GPATCH2: variants seen among roughly 807,000 people sequenced by gnomAD.
The protein encoded by GPATCH2 is G patch domain-containing protein 2.
Under a neutral mutation model 58.0 loss-of-function variants are expected in GPATCH2, and 51 were observed. That is an observed-to-expected ratio of 0.88 (90% CI 0.70 to 1.11). The LOEUF is 1.11. GPATCH2 is among the 50% of genes most tolerant of loss of function. The pLI is 0.00. For synonymous variants in GPATCH2, 222 were observed against 218.5 expected (o/e 1.02, Z -0.14); for missense variants, 625 against 652.2 (o/e 0.96, Z 0.45).
intron 9 of GPATCH2, among the ~76,000 whole-genome samples, chr1:217,433,517 C>T (rs1410668915): frequency 6.6e-6 from 1 of 151,814 alleles, no homozygotes; most frequent in Admixed American, 6.6e-5. Context: ...ATGCCTCAGC[C>T]TCCCGAGTAC....
chr1:217,589,108 A>G (rs1667473799), intron 5 of GPATCH2, among the ~76,000 whole-genome samples: 1 of 151,716 alleles, frequency 6.6e-6, no homozygotes, highest in African/African-American at 2.4e-5. Flanking sequence ...GAAACAATTC[A>G]CTCCTGTTTG....
chr1:217,563,199 T>C (rs1408294897), intron 5 of GPATCH2, among the ~76,000 whole-genome samples: 1 of 152,218 alleles, frequency 6.6e-6, no homozygotes, highest in African/African-American at 2.4e-5. Context: ...GATTCTCCAA[T>C]GGAGCAACAA....
intron 5 of GPATCH2, among the ~76,000 whole-genome samples, chr1:217,559,455 T>C (rs997916931): frequency 6.6e-6 from 1 of 152,188 alleles, no homozygotes; most frequent in Non-Finnish European, 1.5e-5. Flanking sequence ...TACTACTCCA[T>C]TGAGAGCTGG....
intron 5 of GPATCH2, among the ~76,000 whole-genome samples, chr1:217,598,638 T>G (rs908521216): frequency 8.6e-5 from 13 of 151,986 alleles, no homozygotes; most frequent in African/African-American, 3.1e-4. Flanking sequence ...GCTAATTTTT[T>G]GTATTTTTAG....
chr1:217,467,805 C>G (rs1448941767), intron 8 of GPATCH2, among the ~76,000 whole-genome samples: 2 of 152,036 alleles, frequency 1.3e-5, no homozygotes, highest in African/African-American at 4.8e-5. Context: ...GTAAAGGAAT[C>G]AGCACTTCTT....
chr1:217,522,257 G>T (rs188265875), intron 5 of GPATCH2, among the ~76,000 whole-genome samples: 31 of 151,964 alleles, frequency 2.0e-4, no homozygotes, highest in Middle Eastern at 3.4e-3. Flanking sequence ...CTCATTTCTG[G>T]TATACACTAC....
chr1:217,540,659 A>G (rs1664693647), intron 5 of GPATCH2, among the ~76,000 whole-genome samples: 2 of 152,202 alleles, frequency 1.3e-5, no homozygotes, highest in Admixed American at 1.3e-4. Flanking sequence ...TTTAGTGGTA[A>G]ACAGGATTCA....
At chr1:217,564,879 T>C (rs1037211367) in intron 5 of GPATCH2, among the ~76,000 whole-genome samples, 1 of 152,192 alleles carries the variant, frequency 6.6e-6, no homozygotes, top group Non-Finnish European at 1.5e-5. Flanking sequence ...TTAGATATCA[T>C]AGTCTAAAAA....
chr1:217,517,378 G>T (rs1663218517), intron 5 of GPATCH2, among the ~76,000 whole-genome samples: 2 of 151,908 alleles, frequency 1.3e-5, no homozygotes, highest in African/African-American at 4.8e-5. Flanking sequence ...TCTGCCTCAG[G>T]AGTAAAATGT....
chr1:217,533,515 C>T (rs547925132), intron 5 of GPATCH2, among the ~76,000 whole-genome samples: 4 of 152,154 alleles, frequency 2.6e-5, no homozygotes, highest in Admixed American at 1.3e-4. Flanking sequence ...GATCACACTT[C>T]GAGAAGCATT....
chr1:217,549,415 A>G (rs993188307), intron 5 of GPATCH2, among the ~76,000 whole-genome samples: 1 of 152,196 alleles, frequency 6.6e-6, no homozygotes, highest in African/African-American at 2.4e-5. Flanking sequence ...CTGCTTTGCA[A>G]TGAAAATGCT....
chr1:217,427,095 A>G lies in GPATCH2; in HGVS notation c.*4050T>C, dbSNP rs1658370134. 1 of 152,196 alleles carries G rather than the reference A, an allele frequency of 6.6e-6. No homozygotes were observed. Among genetic ancestry groups the G allele is most frequent in the Non-Finnish European group, 1.5e-5 (1 of 68,030 alleles). The allele number at this position is 152,196 out of a possible 1,614,324, so 9.4% of individuals were successfully genotyped here. A position where few individuals can be genotyped will look rare whatever the true frequency, so the allele number is the denominator to read the frequency against. The stretch of plus-strand genomic sequence containing the variant: ...TATTACAAAACACTTAAAATGTCCA[A>G]GCAGCTTTATGAGAGGCACAACTTT... On this transcript the variant is annotated 3_prime_UTR_variant, in exon 10 of 10. Coordinates refer to ENST00000366935, the MANE Select transcript of GPATCH2 (RefSeq NM_018040.5).
At chr1:217,590,577 A>G (rs1667545889) in intron 5 of GPATCH2, among the ~76,000 whole-genome samples, 1 of 152,182 alleles carries the variant, frequency 6.6e-6, no homozygotes. Context: ...TATTTGACCA[A>G]TCAATGGTTT....
At chr1:217,562,081 G>A (rs1665956651) in intron 5 of GPATCH2, among the ~76,000 whole-genome samples, 1 of 152,142 alleles carries the variant, frequency 6.6e-6, no homozygotes, top group Admixed American at 6.5e-5. Context: ...CCACACTAGT[G>A]CCCCAGCAGT....
chr1:217,602,232 C>T (rs558120602), intron 5 of GPATCH2, among the ~76,000 whole-genome samples: 1 of 152,266 alleles, frequency 6.6e-6, no homozygotes, highest in African/African-American at 2.4e-5. Context: ...AACCCATGCC[C>T]ACATTTTCAG....
chr1:217,557,409 C>CAAAAAAAA (rs772777496), intron 5 of GPATCH2, among the ~76,000 whole-genome samples: 1 of 62,192 alleles, frequency 1.6e-5, no homozygotes. Context: ...AACCCCATCT[C>CAAAAAAAA]AAAAAAAAAA....
intron 9 of GPATCH2, among the ~76,000 whole-genome samples, chr1:217,447,022 T>C (rs76461758): frequency 0.014 from 2,066 of 152,312 alleles, 17 homozygotes; most frequent in Middle Eastern, 0.054. Context: ...TCTTGTACTG[T>C]TTCTGCCGCT....
chr1:217,566,101 CAAAAAAAAAAA>C (rs59608962), intron 5 of GPATCH2, among the ~76,000 whole-genome samples: 133 of 47,242 alleles, frequency 2.8e-3, no homozygotes, highest in South Asian at 0.025. Context: ...AACTCCGTCT[CAAAAAAAAAAA>C]AAAAAAAAAA....
intron 5 of GPATCH2, among the ~76,000 whole-genome samples, chr1:217,540,677 C>T (rs949618207): frequency 6.6e-6 from 1 of 152,088 alleles, no homozygotes; most frequent in African/African-American, 2.4e-5. Flanking sequence ...TCAACAAGTA[C>T]CTACTATTCA....
Sources: allele counts gnomAD v4.1 joint callset (sites outside exome capture counted in the v4.1 genomes callset), GRCh38; gene constraint gnomAD v4.1.1; transcripts MANE v1.5; gene names NCBI Gene and HGNC (gene_info 2026-07-23, HGNC 2026-07-21).